The following SOX5 variants were observed in gnomAD, a reference collection of about 807,000 sequenced individuals.
SOX5 encodes the protein transcription factor SOX-5.
SOX5 carries 9 observed loss-of-function variants against 92.0 expected under a neutral mutation model. That is an observed-to-expected ratio of 0.10 (90% CI 0.06 to 0.17). SOX5 has a LOEUF of 0.17. Ranked by LOEUF, SOX5 falls within the 10% of genes least tolerant of loss-of-function variation. The pLI is 1.00. For synonymous variants in SOX5, 344 were observed against 336.3 expected (o/e 1.02, Z -0.25); for missense variants, 642 against 944.5 (o/e 0.68, Z 4.20).
At chr12:24,011,695 A>T (rs573504420) in intron 4 of SOX5, among the ~76,000 whole-genome samples, 89 of 152,284 alleles carry the variant, frequency 5.8e-4, no homozygotes, top group African/African-American at 2.0e-3. Context: ...CACTGGAGAC[A>T]CAGGTTAACG....
At chr12:23,807,182 G>C (rs1339251620) in intron 3 of SOX5, among the ~76,000 whole-genome samples, 1 of 152,156 alleles carries the variant, frequency 6.6e-6, no homozygotes, top group Non-Finnish European at 1.5e-5. Flanking sequence ...TAGCAATCTA[G>C]AAATGGTCAA....
At chr12:23,568,148 A>T (rs1160052161) in intron 10 of SOX5, among the ~76,000 whole-genome samples, 1 of 152,184 alleles carries the variant, frequency 6.6e-6, no homozygotes, top group African/African-American at 2.4e-5. Flanking sequence ...TTGCCTTATA[A>T]GAGGAGAGAG....
chr12:23,952,439 A>G (rs892377034), upstream of SOX5, among the ~76,000 whole-genome samples: 1 of 152,224 alleles, frequency 6.6e-6, no homozygotes, highest in African/African-American at 2.4e-5. Flanking sequence ...TAAAGAAAAG[A>G]TACTCATATT....
intron 4 of SOX5, among the ~76,000 whole-genome samples, chr12:24,020,419 G>A (rs182621973): frequency 1.0e-3 from 157 of 152,264 alleles, no homozygotes; most frequent in Non-Finnish European, 1.4e-3. Flanking sequence ...TTCAGGCAGT[G>A]CTCTTTACTT....
chr12:24,106,791 A>AAT (rs1946727090), intron 4 of SOX5, among the ~76,000 whole-genome samples: 1 of 137,482 alleles, frequency 7.3e-6, no homozygotes, highest in African/African-American at 2.7e-5. Flanking sequence ...GACTCGTCTC[A>AAT]AATAATAATA....
At chr12:23,672,120 C>T (rs1411283995) in intron 6 of SOX5, among the ~76,000 whole-genome samples, 1 of 152,048 alleles carries the variant, frequency 6.6e-6, no homozygotes, top group Admixed American at 6.6e-5. Context: ...TTGAAGCTGA[C>T]TGCAAAGTTA....
intron 4 of SOX5, among the ~76,000 whole-genome samples, chr12:24,021,983 A>G (rs1359862755): frequency 1.3e-5 from 2 of 152,056 alleles, no homozygotes; most frequent in Non-Finnish European, 2.9e-5. Context: ...TCACTTCTTT[A>G]TCTCTTATTC....
At chr12:24,068,140 G>A (rs902922294) in intron 4 of SOX5, among the ~76,000 whole-genome samples, 6 of 152,124 alleles carry the variant, frequency 3.9e-5, no homozygotes, top group East Asian at 1.9e-4. Flanking sequence ...GGGAGACTCC[G>A]TCTCAAACAA....
At chr12:24,273,989 C>G (rs1261688338) in intron 3 of SOX5, among the ~76,000 whole-genome samples, 1 of 152,136 alleles carries the variant, frequency 6.6e-6, no homozygotes, top group East Asian at 1.9e-4. Flanking sequence ...TGTGGTACAA[C>G]TTTAATTCTT....
At chr12:24,285,444 C>T (rs1259710309) in intron 2 of SOX5, among the ~76,000 whole-genome samples, 2 of 152,120 alleles carry the variant, frequency 1.3e-5, no homozygotes, top group Non-Finnish European at 2.9e-5. Flanking sequence ...TATTCTTATT[C>T]TATACCTTTT....
chr12:24,092,895 C>T (rs777158109), intron 4 of SOX5, among the ~76,000 whole-genome samples: 1 of 152,158 alleles, frequency 6.6e-6, no homozygotes, highest in Non-Finnish European at 1.5e-5. Context: ...TGTCTTTTCT[C>T]CTTGGCCTTT....
intron 4 of SOX5, among the ~76,000 whole-genome samples, chr12:24,052,444 ATGTC>A (rs1957653716): frequency 6.6e-6 from 1 of 152,104 alleles, no homozygotes; most frequent in African/African-American, 2.4e-5. Context: ...AACTTAGTGA[ATGTC>A]TTTCTTGCTA....
chr12:23,612,075 T>C (rs889973674), intron 8 of SOX5, among the ~76,000 whole-genome samples: 2 of 152,132 alleles, frequency 1.3e-5, no homozygotes, highest in African/African-American at 2.4e-5. Context: ...TACCATTTAA[T>C]ACTATTTTTG....
At chr12:23,679,396 G>A (rs2086224905) in intron 6 of SOX5, among the ~76,000 whole-genome samples, 1 of 152,128 alleles carries the variant, frequency 6.6e-6, no homozygotes, top group Non-Finnish European at 1.5e-5. Context: ...CGCTGCTGCT[G>A]CTGCTGATGA....
At chr12:24,121,311 A>T (rs891678273) in intron 4 of SOX5, among the ~76,000 whole-genome samples, 1 of 152,172 alleles carries the variant, frequency 6.6e-6, no homozygotes, top group African/African-American at 2.4e-5. Context: ...GGATTTTAAA[A>T]TTTTTTGTAC....
At chr12:23,663,194 T>C (rs2083301197) in intron 7 of SOX5, among the ~76,000 whole-genome samples, 1 of 152,226 alleles carries the variant, frequency 6.6e-6, no homozygotes, top group South Asian at 2.1e-4. Flanking sequence ...TGCTTAGTTC[T>C]AGAGTTTGGT....
chr12:23,921,527 A>G (rs1274486351), intron 1 of SOX5, among the ~76,000 whole-genome samples: 1 of 152,178 alleles, frequency 6.6e-6, no homozygotes, highest in Non-Finnish European at 1.5e-5. Flanking sequence ...CAAAGGTCTT[A>G]GGGGACATGT....
At position 23,906,921 on chromosome 12, in the gene SOX5, T is replaced by C. The variant is rs974581020; in HGVS notation, c.39-10897A>G. ...TGCCATATGTATAAATTTTAGGTTA[T>C]AGACAGCCGAATAGACAGCCAAAAA... On this transcript the variant is annotated intron_variant, in intron 1 of 14. Transcript: ENST00000451604. Among the ~76,000 whole-genome samples, 4 of 148,732 alleles carry C rather than the reference T, an allele frequency of 2.7e-5. No homozygotes were observed. The Admixed American group carries it at 2.7e-4, about 10-fold the overall frequency.
At chr12:23,564,710 G>T (rs985589812) in intron 10 of SOX5, among the ~76,000 whole-genome samples, 1 of 152,156 alleles carries the variant, frequency 6.6e-6, no homozygotes, top group African/African-American at 2.4e-5. Context: ...ATATAAAATG[G>T]CTAACTGCCG....
Sources: allele counts gnomAD v4.1 joint callset (sites outside exome capture counted in the v4.1 genomes callset), GRCh38; gene constraint gnomAD v4.1.1; transcripts MANE v1.5; gene names NCBI Gene and HGNC (gene_info 2026-07-23, HGNC 2026-07-21).